The following EML6 variants were observed in gnomAD, a reference collection of about 807,000 sequenced individuals.
The protein encoded by EML6 is EMAP like 6.
In EML6, 154 loss-of-function variants were observed where a neutral mutation model predicts 240.1. That is an observed-to-expected ratio of 0.64 (90% CI 0.56 to 0.73). EML6 has a LOEUF of 0.73. EML6 is among the 30% of genes least tolerant of loss of function. EML6 has a pLI of 0.00. For missense variants in EML6, 2,964 were observed against 2,474.6 expected (o/e 1.20, Z -4.20); for synonymous variants, 1,148 against 899.0 (o/e 1.28, Z -4.95).
intron 2 of EML6, among the ~76,000 whole-genome samples, chr2:54,787,428 A>G (rs1243008354): frequency 6.6e-6 from 1 of 152,210 alleles, no homozygotes; most frequent in Non-Finnish European, 1.5e-5. Flanking sequence ...CTAGGTCTGA[A>G]TCTTGGCTCT....
Position 54,968,660 on chromosome 2 carries a change from G to A in EML6, c.5752-8G>A, listed in dbSNP as rs1339140422. 1.3e-6 allele frequency: 2 copies of A among 1,536,068 alleles called. No homozygotes were observed. Among genetic ancestry groups the A allele is most frequent in the African/African-American group, 1.4e-5 (1 of 72,816 alleles). ...CTCTTAGCTGTCTCCATTCACTTTT[G>A]CTCACAGGCCAAACATAAGCGATAC... On this transcript the variant is annotated splice_polypyrimidine_tract_variant and splice_region_variant and intron_variant, in intron 40 of 41. Transcript: ENST00000356458.
intron 2 of EML6, among the ~76,000 whole-genome samples, chr2:54,771,851 A>G (rs1277947568): frequency 6.6e-6 from 1 of 152,270 alleles, no homozygotes; most frequent in African/African-American, 2.4e-5. Context: ...GAAGAAGATT[A>G]GAATTAAATT....
At chr2:54,893,440 C>G (rs937630428) in intron 19 of EML6, among the ~76,000 whole-genome samples, 1 of 152,096 alleles carries the variant, frequency 6.6e-6, no homozygotes, top group Non-Finnish European at 1.5e-5. Context: ...GTAATGAACC[C>G]ACTCCTACAA....
intron 2 of EML6, among the ~76,000 whole-genome samples, chr2:54,808,543 A>G (rs185000311): frequency 1.0e-3 from 153 of 152,316 alleles, no homozygotes; most frequent in African/African-American, 3.5e-3. Context: ...ACAAAAACAA[A>G]AAAAACTAAA....
In EML6 at chr2:54,970,320, T is replaced by C. The variant is rs1004799237; in HGVS notation, c.*225T>C. 2 of 585,698 alleles carry C rather than the reference T, an allele frequency of 3.4e-6. No individual in the cohort carries two copies. The highest frequency in any genetic ancestry group is 6.1e-6 in the Non-Finnish European group (2 of 327,062). 36.3% of individuals were successfully genotyped at this position (585,698 alleles called of 1,614,324 possible). On this transcript the variant is annotated 3_prime_UTR_variant, in exon 42 of 42. Transcript: ENST00000356458. ...GGTCAAGTTTTAAAATGTTAAAGAC[T>C]GCTTGCCTCTGTTCCTGAGACTAAA...
intron 28 of EML6, among the ~76,000 whole-genome samples, chr2:54,933,751 C>A (rs900386643): frequency 1.6e-4 from 24 of 151,814 alleles, no homozygotes; most frequent in African/African-American, 4.1e-4. Context: ...GAAAAAAAAA[C>A]CCACTAAAAA....
At chr2:54,959,425 T>A (rs1676392824) in intron 34 of EML6, among the ~76,000 whole-genome samples, 164 bp downstream of exon 34, 1 of 152,172 alleles carries the variant, frequency 6.6e-6, no homozygotes. Flanking sequence ...TAAGTCAAGA[T>A]CCTCACAAGG....
intron 2 of EML6, among the ~76,000 whole-genome samples, chr2:54,727,220 C>T (rs1210221816): frequency 7.3e-6 from 1 of 137,366 alleles, no homozygotes; most frequent in Non-Finnish European, 1.5e-5. Context: ...ATTCATTAAG[C>T]TACTTTAGTG....
chr2:54,896,074 C>T (rs570715795), intron 21 of EML6, among the ~76,000 whole-genome samples: 74 of 152,268 alleles, frequency 4.9e-4, no homozygotes, highest in African/African-American at 1.6e-3. Flanking sequence ...TGAGGGTCAC[C>T]GTCACTGGCC....
intron 9 of EML6, among the ~76,000 whole-genome samples, chr2:54,849,535 C>T (rs1158680935): frequency 6.6e-6 from 1 of 152,230 alleles, no homozygotes; most frequent in African/African-American, 2.4e-5. Flanking sequence ...GTCGCCCAAG[C>T]TGGAGTGCAG....
chr2:54,877,617 C>T (rs1279141622), intron 16 of EML6, among the ~76,000 whole-genome samples: 1 of 152,184 alleles, frequency 6.6e-6, no homozygotes, highest in Non-Finnish European at 1.5e-5. Flanking sequence ...AATTCCTTCT[C>T]CTAAATGCTA....
Position 54,903,073 on chromosome 2 carries a change from G to T in EML6, c.3154G>T (p.Gly1052Trp). Residue 1052 changes from glycine (G) to tryptophan (W), a missense_variant, in exon 23 of 42, where the codon GGG becomes TGG. By Grantham distance (184) the Gly-to-Trp change is radical (BLOSUM62 -2). Coordinates refer to ENST00000356458, the MANE Select transcript of EML6 (RefSeq NM_001039753.4). Reference protein sequence around the residue: ...GGRCCAFSPDGKALAVGLNDG... With the variant: ...GGRCCAFSPDWKALAVGLNDG... ...AAGATGCTGTGCCTTTTCCCCTGAT[G>T]GGAAAGCCTTAGCGGTTGGCTTGAA... is the stretch of plus-strand genomic sequence containing the variant. The T allele has an allele frequency of 6.4e-7, 1 of 1,551,758 alleles. No individual in the cohort carries two copies. The highest frequency in any genetic ancestry group is 8.7e-7 in the Non-Finnish European group (1 of 1,146,998).
chr2:54,790,467 A>G (rs528529032), intron 2 of EML6, among the ~76,000 whole-genome samples: 14 of 152,282 alleles, frequency 9.2e-5, no homozygotes, highest in African/African-American at 3.1e-4. Context: ...AACATTGACA[A>G]TATTTGCACT....
intron 2 of EML6, among the ~76,000 whole-genome samples, chr2:54,801,560 G>A (rs997655682): frequency 2.0e-5 from 3 of 152,168 alleles, no homozygotes; most frequent in African/African-American, 7.2e-5. Flanking sequence ...CTTTCTTTGT[G>A]AAATAATAGA....
At chr2:54,738,244 G>C (rs1444218304) in intron 2 of EML6, among the ~76,000 whole-genome samples, 1 of 152,134 alleles carries the variant, frequency 6.6e-6, no homozygotes, top group Non-Finnish European at 1.5e-5. Context: ...AGGTGCTTAA[G>C]AAGTGTTTGT....
At chr2:54,932,117 GA>G (rs1674894912) in intron 28 of EML6, among the ~76,000 whole-genome samples, 1 of 152,196 alleles carries the variant, frequency 6.6e-6, no homozygotes, top group South Asian at 2.1e-4. Context: ...TAATCTTTCA[GA>G]AAATGAGGAA....
intron 8 of EML6, 133 bp from the exon 9 acceptor site, chr2:54,847,353 A>C: frequency 1.2e-6 from 1 of 855,272 alleles, no homozygotes; most frequent in South Asian, 2.0e-5. Context: ...GGCCATGATA[A>C]AGGGCTCTGG....
intron 2 of EML6, among the ~76,000 whole-genome samples, chr2:54,810,377 C>T (rs1455124690): frequency 1.9e-4 from 29 of 152,142 alleles, no homozygotes; most frequent in Non-Finnish European, 2.9e-5. Context: ...TATTTGAAGA[C>T]TTGTTGAAAT....
Position 54,829,229 on chromosome 2 carries a change from G to C in EML6, c.712-113G>C, listed in dbSNP as rs190863474. On this transcript the variant is annotated intron_variant, in intron 6 of 41. Transcript: ENST00000356458. The stretch of plus-strand genomic sequence containing the variant: ...TGTCAGCATTTCAATAGAGAACAAA[G>C]GGGTTTTATTTTTGTTTTTGACTTG... The C allele has an allele frequency of 3.9e-4, 370 of 940,146 alleles. No homozygotes were observed. The African/African-American group carries it at 5.3e-3, about 13-fold the overall frequency. 58.2% of individuals were successfully genotyped at this position (940,146 alleles called of 1,614,324 possible).
Sources: allele counts gnomAD v4.1 joint callset (sites outside exome capture counted in the v4.1 genomes callset), GRCh38; gene constraint gnomAD v4.1.1; transcripts MANE v1.5; gene names NCBI Gene and HGNC (gene_info 2026-07-23, HGNC 2026-07-21).